The following SORCS1 variants were observed in gnomAD, a reference collection of about 807,000 sequenced individuals.
The protein encoded by SORCS1 is VPS10 domain-containing receptor SorCS1.
A neutral mutation model predicts 146.1 loss-of-function variants in SORCS1; 60 were observed. That is an observed-to-expected ratio of 0.41 (90% CI 0.33 to 0.51). The LOEUF is 0.51. Ranked by LOEUF, SORCS1 falls within the 20% of genes least tolerant of loss-of-function variation. The pLI is 0.21. For missense variants in SORCS1, 1,352 were observed against 1,487.6 expected (o/e 0.91, Z 1.50); for synonymous variants, 637 against 584.0 (o/e 1.09, Z -1.31).
At chr10:107,037,172 G>A (rs1211247964) in intron 1 of SORCS1, among the ~76,000 whole-genome samples, 3 of 152,198 alleles carry the variant, frequency 2.0e-5, no homozygotes, top group African/African-American at 7.2e-5. Flanking sequence ...CTTGAACCTG[G>A]GAGGCGGAGG....
chr10:106,610,222 T>A (rs1222448327), intron 22 of SORCS1, among the ~76,000 whole-genome samples: 1 of 151,816 alleles, frequency 6.6e-6, no homozygotes, highest in Non-Finnish European at 1.5e-5. Context: ...TGTTTCTCCT[T>A]GGAATAAGGA....
chr10:106,657,154 T>G (rs1223653846), intron 17 of SORCS1, among the ~76,000 whole-genome samples: 2 of 152,144 alleles, frequency 1.3e-5, no homozygotes, highest in African/African-American at 4.8e-5. Context: ...CACCTGTACA[T>G]GTATGCTTAT....
intron 2 of SORCS1, among the ~76,000 whole-genome samples, chr10:106,915,875 G>A (rs1318892455): frequency 1.3e-5 from 2 of 152,142 alleles, no homozygotes; most frequent in East Asian, 1.9e-4. Flanking sequence ...ATTTTGAAGG[G>A]ACCTGGCTCC....
At chr10:106,806,716 C>T (rs1198291322) in intron 3 of SORCS1, among the ~76,000 whole-genome samples, 3 of 151,654 alleles carry the variant, frequency 2.0e-5, no homozygotes, top group African/African-American at 7.3e-5. Context: ...GGGGTTTCAC[C>T]ATGTTAGCCA....
chr10:107,144,636 T>C (rs1172851708), intron 1 of SORCS1, among the ~76,000 whole-genome samples: 2 of 152,268 alleles, frequency 1.3e-5, no homozygotes, highest in Non-Finnish European at 2.9e-5. Flanking sequence ...GCCCATGGCC[T>C]TGCCATATTG....
At chr10:107,124,953 C>CTTTTTT (rs577523339) in intron 1 of SORCS1, among the ~76,000 whole-genome samples, 125 of 121,528 alleles carry the variant, frequency 1.0e-3, no homozygotes, top group Non-Finnish European at 1.4e-3. Context: ...TTTTCTTTTT[C>CTTTTTT]TTTTTTTTTT....
chr10:106,966,895 AAAAAAT>A (rs1440127717), intron 1 of SORCS1, among the ~76,000 whole-genome samples: 2 of 152,176 alleles, frequency 1.3e-5, no homozygotes, highest in African/African-American at 2.4e-5. Flanking sequence ...TAACAAACCC[AAAAAAT>A]AAAAATAAAA....
chr10:106,657,026 G>A (rs1033736343), intron 17 of SORCS1, among the ~76,000 whole-genome samples: 4 of 152,130 alleles, frequency 2.6e-5, no homozygotes, highest in East Asian at 1.9e-4. Context: ...TTAGTACCAC[G>A]TCTATGGAAA....
At chr10:106,579,132 G>A (rs752403670) in intron 25 of SORCS1, 1 of 1,614,100 alleles carries the variant, frequency 6.2e-7, no homozygotes, top group Non-Finnish European at 8.5e-7. Flanking sequence ...AAGCTGGCCA[G>A]GCCTCCTTAG....
chr10:107,161,831 G>C (rs1433332231), intron 1 of SORCS1, among the ~76,000 whole-genome samples: 2 of 152,138 alleles, frequency 1.3e-5, no homozygotes, highest in Non-Finnish European at 2.9e-5. Context: ...CTATCTGTAT[G>C]TATATACTTA....
intron 1 of SORCS1, among the ~76,000 whole-genome samples, chr10:106,980,502 A>G (rs993337099): frequency 6.6e-6 from 1 of 152,240 alleles, no homozygotes; most frequent in African/African-American, 2.4e-5. Flanking sequence ...GTGGAGGAGA[A>G]AAAGTGCTAA....
At chr10:106,897,361 A>T (rs540451899) in intron 2 of SORCS1, among the ~76,000 whole-genome samples, 2 of 152,292 alleles carry the variant, frequency 1.3e-5, no homozygotes, top group South Asian at 4.1e-4. Context: ...TGGTCCAGAA[A>T]TGACAAAGGT....
intron 2 of SORCS1, among the ~76,000 whole-genome samples, chr10:106,847,782 G>A (rs1949362731): frequency 8.0e-6 from 1 of 124,906 alleles, no homozygotes; most frequent in African/African-American, 2.8e-5. Context: ...CTGGTATGTT[G>A]TGTCTTTGTT....
At chr10:106,914,222 T>G (rs1177147611) in intron 2 of SORCS1, among the ~76,000 whole-genome samples, 1 of 152,210 alleles carries the variant, frequency 6.6e-6, no homozygotes, top group Non-Finnish European at 1.5e-5. Flanking sequence ...AAAAACAAAT[T>G]TATTAGCTTG....
intron 1 of SORCS1, among the ~76,000 whole-genome samples, chr10:106,985,783 C>T (rs1956443670): frequency 6.6e-6 from 1 of 151,988 alleles, no homozygotes; most frequent in Non-Finnish European, 1.5e-5. Flanking sequence ...GATCCTCCTG[C>T]CTTGGTCTCC....
chr10:107,070,071 T>A (rs974299278), intron 1 of SORCS1, among the ~76,000 whole-genome samples: 1 of 152,230 alleles, frequency 6.6e-6, no homozygotes, highest in Admixed American at 6.5e-5. Context: ...ATAAGTGGAA[T>A]CATACAATAT....
chr10:107,041,949 T>C (rs375175531), intron 1 of SORCS1, among the ~76,000 whole-genome samples: 1 of 152,176 alleles, frequency 6.6e-6, no homozygotes, highest in African/African-American at 2.4e-5. Flanking sequence ...TGCAAATCTT[T>C]CTTAAATTAA....
intron 1 of SORCS1, among the ~76,000 whole-genome samples, chr10:107,026,130 A>AT (rs1958390888): frequency 6.6e-6 from 1 of 152,196 alleles, no homozygotes; most frequent in Non-Finnish European, 1.5e-5. Context: ...AAATCTGCAG[A>AT]TTTTCAAATG....
At chr10:106,725,749 G>A (rs1856108289) in intron 6 of SORCS1, among the ~76,000 whole-genome samples, 1 of 151,244 alleles carries the variant, frequency 6.6e-6, no homozygotes, top group Non-Finnish European at 1.5e-5. Flanking sequence ...TAGCCAACAC[G>A]GCAAAACCCC....
Sources: gnomAD v4.1 joint callset for allele counts (sites outside exome capture counted in the v4.1 genomes callset) on GRCh38, gnomAD v4.1.1 for gene constraint, MANE v1.5 for transcripts, NCBI Gene and HGNC (gene_info 2026-07-23, HGNC 2026-07-21) for gene names.